SYT14: variants seen among roughly 807,000 people sequenced by gnomAD.
SYT14 encodes synaptotagmin 14.
Under a neutral mutation model 74.2 loss-of-function variants are expected in SYT14, and 32 were observed. That is an observed-to-expected ratio of 0.43 (90% CI 0.33 to 0.58). The LOEUF (loss-of-function observed/expected upper bound fraction) is 0.58. Ranked by LOEUF, SYT14 falls within the 20% of genes least tolerant of loss-of-function variation. The pLI is 0.05. For missense variants in SYT14, 791 were observed against 981.8 expected, an observed-to-expected ratio of 0.81 and a Z score of 2.60; for synonymous variants, 298 against 337.7, an observed-to-expected ratio of 0.88 and a Z score of 1.29.
At chr1:210,144,438 G>A (rs2082987221) in intron 7 of SYT14, among the ~76,000 whole-genome samples, 1 of 151,960 alleles carries the variant, frequency 6.6e-6, no homozygotes, top group Non-Finnish European at 1.5e-5. Flanking sequence ...CCTTACTAAA[G>A]TCACGGTCCT....
intron 5 of SYT14, among the ~76,000 whole-genome samples, chr1:210,070,190 T>C (rs2081367225): frequency 6.6e-6 from 1 of 152,070 alleles, no homozygotes; most frequent in Non-Finnish European, 1.5e-5. Context: ...GCCGTCACCA[T>C]ACATTTAAGG....
intron 1 of SYT14, among the ~76,000 whole-genome samples, chr1:209,946,217 T>G (rs781273696): frequency 6.6e-6 from 1 of 152,196 alleles, no homozygotes; most frequent in Non-Finnish European, 1.5e-5. Flanking sequence ...CCTACAAATG[T>G]TCAATGAAAG....
At chr1:209,950,832 T>C (rs2102674331) in intron 1 of SYT14, among the ~76,000 whole-genome samples, 1 of 152,276 alleles carries the variant, frequency 6.6e-6, no homozygotes, top group Admixed American at 6.5e-5. Context: ...AATGATTATT[T>C]AATATTTTCA....
chr1:210,170,190 A>T (rs1232848167), exon 10 of SYT14: 1 of 152,176 alleles, frequency 6.6e-6, no homozygotes, highest in Non-Finnish European at 1.5e-5. Flanking sequence ...TGACTAAACC[A>T]TTAATGGATC....
rs1229605774 is a variant in SYT14, at chr1:210,122,123, G to A, written c.2034+21662G>A. On this transcript the variant is annotated intron_variant, in intron 7 of 9. Transcript: ENST00000637265. ...CTCCCAAGTAGCTGGGACTACAGGC[G>A]CCCGCCACTACGCCCGGCTAATTTT... 1.6e-4 allele frequency among the ~76,000 whole-genome samples: 10 copies of A among 64,372 alleles called. 5 individuals carry two copies. The highest frequency in any genetic ancestry group is 4.0e-4 in the Admixed American group (2 of 5,040). The allele number at this position is 64,372 out of a possible 152,430, so 42.2% of individuals were successfully genotyped here. A position where few individuals can be genotyped will look rare whatever the true frequency, so the allele number is the denominator to read the frequency against.
intron 2 of SYT14, among the ~76,000 whole-genome samples, chr1:210,007,102 T>C (rs1239743716): frequency 1.3e-5 from 2 of 151,924 alleles, no homozygotes; most frequent in Non-Finnish European, 2.9e-5. Flanking sequence ...ATTTTACCAC[T>C]GTTACTGAAG....
chr1:209,949,829 A>G (rs2078883745), intron 1 of SYT14, among the ~76,000 whole-genome samples: 1 of 152,094 alleles, frequency 6.6e-6, no homozygotes, highest in South Asian at 2.1e-4. Context: ...GCATAGTCTT[A>G]TTTGCTTGTT....
intron 5 of SYT14, among the ~76,000 whole-genome samples, chr1:210,023,141 T>A (rs2080336635): frequency 6.6e-6 from 1 of 152,220 alleles, no homozygotes; most frequent in African/African-American, 2.4e-5. Flanking sequence ...ATTATATTTA[T>A]TTATTTTGTA....
chr1:210,043,989 T>C (rs559305837), intron 5 of SYT14, among the ~76,000 whole-genome samples: 312 of 152,314 alleles, frequency 2.0e-3, no homozygotes, highest in Non-Finnish European at 3.4e-3. Context: ...GTTTAAAATA[T>C]ACTTTTGCAT....
rs149955922 is a variant in SYT14 at position 210,100,610 on chromosome 1, A to G, written c.2034+149A>G. 292 of 756,714 alleles carry G rather than the reference A, an allele frequency of 3.9e-4. 4 individuals carry two copies. In the East Asian group the frequency reaches 7.7e-3, roughly 20 times the overall value. 46.9% of individuals were successfully genotyped at this position (756,714 alleles called of 1,614,324 possible). ...CTTTACAAAAATATCTAAGCCCTGGATAGATAGATATACTTTTTCTTACCT... is the reference window on the plus strand; with the variant it reads ...CTTTACAAAAATATCTAAGCCCTGGGTAGATAGATATACTTTTTCTTACCT... On this transcript the variant is annotated intron_variant, in intron 7 of 9. Transcript: ENST00000637265.
At chr1:210,079,348 A>T (rs1299703021) in intron 5 of SYT14, among the ~76,000 whole-genome samples, 1 of 152,150 alleles carries the variant, frequency 6.6e-6, no homozygotes, top group Non-Finnish European at 1.5e-5. Flanking sequence ...TGTTACCGTT[A>T]TATCCATGTG....
chr1:210,118,377 CATT>C (rs1449161128), intron 7 of SYT14, among the ~76,000 whole-genome samples: 1 of 152,134 alleles, frequency 6.6e-6, no homozygotes, highest in Non-Finnish European at 1.5e-5. Context: ...ATGCCTTCTT[CATT>C]ATTATCAACA....
chr1:209,950,924 C>T (rs1301144147), intron 1 of SYT14, among the ~76,000 whole-genome samples: 1 of 152,076 alleles, frequency 6.6e-6, no homozygotes, highest in Non-Finnish European at 1.5e-5. Context: ...ATTCAGCTTA[C>T]ATTAAAGTAA....
chr1:209,954,995 C>T (rs572535130), intron 2 of SYT14, among the ~76,000 whole-genome samples: 36 of 152,256 alleles, frequency 2.4e-4, no homozygotes, highest in Non-Finnish European at 1.8e-4. Flanking sequence ...CATGAGCCAC[C>T]GCACTCGGCT....
At chr1:209,991,265 A>C (rs1482035869) in intron 2 of SYT14, among the ~76,000 whole-genome samples, 1 of 152,204 alleles carries the variant, frequency 6.6e-6, no homozygotes, top group African/African-American at 2.4e-5. Flanking sequence ...TGCAACAAAA[A>C]CAAAAGTAGA....
chr1:209,971,208 G>C (rs1165627871), intron 2 of SYT14, among the ~76,000 whole-genome samples: 1 of 152,092 alleles, frequency 6.6e-6, no homozygotes, highest in African/African-American at 2.4e-5. Flanking sequence ...GTATAGAAAT[G>C]CTGCCGATTT....
rs146039607 is a variant in SYT14 at position 210,080,300 on chromosome 1, T to A, written c.1313-14022T>A. On this transcript the variant is annotated intron_variant, in intron 5 of 9. Transcript: ENST00000637265. ...CCCCTAAAAGAAATCTGAAGTCATT[T>A]TCAGAATCATAATTTAGAGTCATAA... 6.2e-3 allele frequency among the ~76,000 whole-genome samples: 949 copies of A among 152,348 alleles called. 13 individuals are homozygous for A. Among genetic ancestry groups the A allele is most frequent in the Non-Finnish European group, 9.6e-3 (652 of 68,030 alleles).
intron 2 of SYT14, among the ~76,000 whole-genome samples, chr1:210,004,700 T>G (rs942850401): frequency 6.6e-6 from 1 of 152,016 alleles, no homozygotes; most frequent in African/African-American, 2.4e-5. Flanking sequence ...TCAAACTGTT[T>G]CTCACATGAT....
At chr1:210,141,308 G>T (rs2082910030) in intron 7 of SYT14, among the ~76,000 whole-genome samples, 2 of 152,044 alleles carry the variant, frequency 1.3e-5, no homozygotes, top group African/African-American at 4.8e-5. Context: ...GAATGGAATT[G>T]TTTTCTTAAT....
Sources: gnomAD v4.1 joint callset for allele counts (sites outside exome capture counted in the v4.1 genomes callset) on GRCh38, gnomAD v4.1.1 for gene constraint, MANE v1.5 for transcripts, NCBI Gene and HGNC (gene_info 2026-07-23, HGNC 2026-07-21) for gene names.